Variants in MOV10L1 observed in about 807,000 individuals in gnomAD.
MOV10L1 encodes the protein Mov10 like RNA helicase 1.
MOV10L1 carries 110 observed loss-of-function variants against 143.8 expected under a neutral mutation model. That is an observed-to-expected ratio of 0.76 (90% CI 0.66 to 0.90). MOV10L1 has a LOEUF of 0.90. Among genes scored for constraint, MOV10L1 ranks in the 40% least tolerant of loss-of-function variants. The pLI, the probability that MOV10L1 is intolerant of heterozygous loss-of-function variation, is 0.00. For missense variants in MOV10L1, 1,406 were observed against 1,526.8 expected (o/e 0.92, Z 1.32); for synonymous variants, 593 against 581.1 (o/e 1.02, Z -0.29).
chr22:50,118,307 G>A (rs909693), intron 9 of MOV10L1, among the ~76,000 whole-genome samples: 12,723 of 152,024 alleles, frequency 0.084, 631 homozygotes, highest in South Asian at 0.17. Context: ...TGTTCTCATT[G>A]GTAAAATGAT....
chr22:50,111,705 G>A (rs541507558), intron 5 of MOV10L1, among the ~76,000 whole-genome samples: 4 of 151,820 alleles, frequency 2.6e-5, no homozygotes, highest in East Asian at 3.9e-4. Context: ...GGGTTTCACC[G>A]TGTTAGCCAG....
At chr22:50,100,011 A>G (rs1204416408) in intron 3 of MOV10L1, among the ~76,000 whole-genome samples, 1 of 151,836 alleles carries the variant, frequency 6.6e-6, no homozygotes, top group Non-Finnish European at 1.5e-5. Flanking sequence ...TTGTTTTTCG[A>G]GATGGAGTCT....
intron 5 of MOV10L1, among the ~76,000 whole-genome samples, chr22:50,109,854 GAGAA>G (rs1018372444): frequency 6.7e-5 from 10 of 149,642 alleles, no homozygotes; most frequent in Non-Finnish European, 1.2e-4. Flanking sequence ...AAAATAAAAA[GAGAA>G]AGGAAAAGGA....
At chr22:50,090,495 G>T (rs776183432) in intron 1 of MOV10L1, 1 of 1,609,836 alleles carries the variant, frequency 6.2e-7, no homozygotes, top group South Asian at 1.1e-5. Flanking sequence ...CTCCCTGTCC[G>T]CAGCGTCATT....
At chr22:50,161,194 C>T in intron 26 of MOV10L1, 139 bp downstream of exon 26, 1 of 1,065,018 alleles carries the variant, frequency 9.4e-7, no homozygotes, top group African/African-American at 1.6e-5. Context: ...CTCACCTCAT[C>T]CTGGGCTGCA....
At chr22:50,135,754 A>C (rs1045708716) in intron 15 of MOV10L1, among the ~76,000 whole-genome samples, 17 of 151,696 alleles carry the variant, frequency 1.1e-4, no homozygotes, top group Non-Finnish European at 1.9e-4. Context: ...CCATCTCAAA[A>C]AAAAAAAAAA....
At chr22:50,118,739 G>A (rs547923406) in intron 9 of MOV10L1, among the ~76,000 whole-genome samples, 24 of 152,268 alleles carry the variant, frequency 1.6e-4, no homozygotes, top group African/African-American at 5.3e-4. Context: ...GAGGGAGTTC[G>A]CATGAAACAC....
chr22:50,098,090 AC>A (rs1024614000), intron 2 of MOV10L1, among the ~76,000 whole-genome samples: 6 of 151,738 alleles, frequency 4.0e-5, no homozygotes, highest in African/African-American at 1.5e-4. Flanking sequence ...ACCTGCCTCA[AC>A]CTCCCAAAGT....
At chr22:50,104,140 C>T (rs928560546) in intron 3 of MOV10L1, among the ~76,000 whole-genome samples, 2 of 152,156 alleles carry the variant, frequency 1.3e-5, no homozygotes, top group African/African-American at 4.8e-5. Context: ...GTTCCAGCTC[C>T]TATGAGAATC....
chr22:50,145,147 G>A (rs1268094965), intron 18 of MOV10L1, among the ~76,000 whole-genome samples: 5 of 151,528 alleles, frequency 3.3e-5, no homozygotes, highest in African/African-American at 1.2e-4. Flanking sequence ...TCACCATGTT[G>A]GTCAGGCTGG....
chr22:50,158,373 C>A lies in MOV10L1; in HGVS notation c.3216+167C>A. Reference sequence around the variant, plus strand: ...TTCAACATGAGAGGTCACCCAACTGCCATCCATGGGCCAGTTCCGGGCAGC... The same window carrying A: ...TTCAACATGAGAGGTCACCCAACTGACATCCATGGGCCAGTTCCGGGCAGC... On this transcript the variant is annotated intron_variant, in intron 23 of 26. Coordinates refer to ENST00000262794, the MANE Select transcript of MOV10L1 (RefSeq NM_018995.3). This position sits in a 1 kb window ranked among gnomAD's most constrained non-coding sequence, Gnocchi z 5.0. The A allele has an allele frequency of 1.3e-6, 1 of 792,678 alleles. No individual in the cohort carries two copies. The allele number at this position is 792,678 out of a possible 1,614,324, so 49.1% of individuals were successfully genotyped here.
At chr22:50,156,582 G>A (rs182723158) in intron 22 of MOV10L1, among the ~76,000 whole-genome samples, 6 of 152,310 alleles carry the variant, frequency 3.9e-5, no homozygotes, top group Admixed American at 3.9e-4. Flanking sequence ...ATGAATTCAG[G>A]TGTTCTAGGT....
At chr22:50,141,975 A>G (rs1389326903) in intron 15 of MOV10L1, 106 bp from the exon 16 acceptor site, 1 of 744,608 alleles carries the variant, frequency 1.3e-6, no homozygotes, top group Non-Finnish European at 2.1e-6. Flanking sequence ...GAGCTGTTAA[A>G]TAAATATACT....
intron 14 of MOV10L1, 77 bp downstream of exon 14, chr22:50,134,142 A>G: frequency 8.4e-7 from 1 of 1,185,012 alleles, no homozygotes; most frequent in Non-Finnish European, 1.2e-6. Context: ...TTTGTGTAAA[A>G]TAGTCTCTTC....
chr22:50,111,099 A>T (rs1343536126), intron 5 of MOV10L1, among the ~76,000 whole-genome samples: 1 of 152,180 alleles, frequency 6.6e-6, no homozygotes, highest in Admixed American at 6.5e-5. Context: ...GACAGGTCTC[A>T]ATCAAGTTAG....
chr22:50,150,402 C>T (rs1032995131), intron 20 of MOV10L1, among the ~76,000 whole-genome samples: 10 of 152,220 alleles, frequency 6.6e-5, no homozygotes, highest in African/African-American at 2.4e-4. Flanking sequence ...GGTGGGATGG[C>T]GGCCAGGGCC....
rs3747938 is a variant in MOV10L1, at chr22:50,159,550, C to T, written c.3217-128C>T. 70,119 of 509,222 alleles carry T rather than the reference C, an allele frequency of 0.14. 5,373 individuals carry two copies. The highest frequency in any genetic ancestry group is 0.21 in the Admixed American group (5,394 of 25,596). 31.5% of individuals were successfully genotyped at this position (509,222 alleles called of 1,614,324 possible). A position where few individuals can be genotyped will look rare whatever the true frequency, so the allele number is the denominator to read the frequency against. ...CCGGGAGGCAGAGGTTGCAGTGAGC[C>T]GAGATCACGCCACTGCACTGCAGCC... On this transcript the variant is annotated intron_variant, in intron 23 of 26. Coordinates refer to ENST00000262794, the MANE Select transcript of MOV10L1 (RefSeq NM_018995.3). This position sits in a 1 kb window ranked among gnomAD's most constrained non-coding sequence, Gnocchi z 4.1.
intron 20 of MOV10L1, among the ~76,000 whole-genome samples, chr22:50,150,525 G>A (rs961996916): frequency 7.2e-5 from 11 of 152,022 alleles, no homozygotes; most frequent in Non-Finnish European, 1.5e-4. Flanking sequence ...GCAGGACTTC[G>A]GGGAGGCAGA....
rs76837887 is a variant in MOV10L1 at position 50,153,331 on chromosome 22, G to A, written c.3066+113G>A. The A allele has an allele frequency of 3.5e-4, 451 of 1,287,778 alleles. 2 individuals are homozygous for A. The African/African-American group carries it at 6.2e-3, about 18-fold the overall frequency. The allele number at this position is 1,287,778 out of a possible 1,614,324, so 79.8% of individuals were successfully genotyped here. Reference sequence around the variant, plus strand: ...CTGCCTGTGGCGGGGCAGATGTTCTGCTGGTCTCCAGAGAGTGAAAAGCCA... The same window carrying A: ...CTGCCTGTGGCGGGGCAGATGTTCTACTGGTCTCCAGAGAGTGAAAAGCCA... On this transcript the variant is annotated intron_variant, in intron 22 of 26. Transcript: ENST00000262794.
Sources: allele counts gnomAD v4.1 joint callset (sites outside exome capture counted in the v4.1 genomes callset), GRCh38; gene constraint gnomAD v4.1.1; non-coding constraint Gnocchi (gnomAD v3.1); transcripts MANE v1.5; gene names NCBI Gene and HGNC (gene_info 2026-07-23, HGNC 2026-07-21).